Variants in KCNQ5 observed in about 807,000 individuals in gnomAD.
KCNQ5 encodes the protein potassium voltage-gated channel subfamily KQT member 5.
A neutral mutation model predicts 98.2 loss-of-function variants in KCNQ5; 30 were observed. That is an observed-to-expected ratio of 0.31 (90% CI 0.23 to 0.41). KCNQ5 has a LOEUF of 0.41. Among genes scored for constraint, KCNQ5 ranks in the 10% least tolerant of loss-of-function variants. The pLI is 1.00. For synonymous variants in KCNQ5, 458 were observed against 449.4 expected (o/e 1.02, Z -0.24); for missense variants, 835 against 1,182.5 (o/e 0.71, Z 4.31).
At chr6:72,774,968 G>A (rs928842515) in intron 1 of KCNQ5, among the ~76,000 whole-genome samples, 2 of 152,220 alleles carry the variant, frequency 1.3e-5, no homozygotes, top group East Asian at 1.9e-4. Context: ...TTCTTTGGTA[G>A]CAACACAAAT....
chr6:72,675,128 C>T (rs1231267549), intron 1 of KCNQ5, among the ~76,000 whole-genome samples: 1 of 152,096 alleles, frequency 6.6e-6, no homozygotes, highest in Non-Finnish European at 1.5e-5. Flanking sequence ...CAAAACCAAC[C>T]AACCATAAAA....
intron 1 of KCNQ5, among the ~76,000 whole-genome samples, chr6:72,765,000 A>G (rs1218854990): frequency 6.6e-6 from 1 of 151,876 alleles, no homozygotes; most frequent in Admixed American, 6.6e-5. Context: ...TATGTACCGC[A>G]TTTTCTTTAT....
intron 1 of KCNQ5, chr6:72,986,651 C>T (rs1242912652): frequency 1.3e-6 from 1 of 784,786 alleles, no homozygotes; most frequent in Non-Finnish European, 2.2e-6. Flanking sequence ...GTCACCCAAT[C>T]CCAGGAAGCA....
In KCNQ5 at chr6:72,791,898, A is replaced by G. The variant is rs369145374; in HGVS notation, c.398+169311A>G. On this transcript the variant is annotated intron_variant, in intron 1 of 13. Coordinates refer to ENST00000370398, the MANE Select transcript of KCNQ5 (RefSeq NM_019842.4). The stretch of plus-strand genomic sequence containing the variant: ...TAATCCATGTGAGGGCAGAGCCCCT[A>G]TGACTTAATCAACTCCTAAGGTGCT... Among the ~76,000 whole-genome samples the G allele has an allele frequency of 2.6e-5, 4 of 152,322 alleles. No homozygotes were observed. In the East Asian group the frequency reaches 7.7e-4, roughly 29 times the overall value.
Position 72,895,327 on chromosome 6 carries a change from G to A in KCNQ5, c.399-108581G>A, listed in dbSNP as rs1279811855. ...AGAAAAAAAACTCCATAGGTGATTC[G>A]TGTGCTCCTCCCAGTTAGGAACCAC... On this transcript the variant is annotated intron_variant, in intron 1 of 13. Transcript: ENST00000370398. Among the ~76,000 whole-genome samples the A allele has an allele frequency of 2.7e-5, 4 of 150,210 alleles. No homozygotes were observed. In the East Asian group the frequency reaches 7.7e-4, roughly 29 times the overall value.
intron 6 of KCNQ5, among the ~76,000 whole-genome samples, chr6:73,106,127 G>C (rs924628478): frequency 1.3e-4 from 20 of 152,094 alleles, no homozygotes; most frequent in African/African-American, 4.8e-4. Context: ...ATCCAGTCTT[G>C]CTCCAGACAC....
chr6:72,756,916 A>G (rs1487217508), intron 1 of KCNQ5, among the ~76,000 whole-genome samples: 1 of 152,174 alleles, frequency 6.6e-6, no homozygotes, highest in Non-Finnish European at 1.5e-5. Flanking sequence ...TCTGTACTAC[A>G]TACAAACGAC....
At chr6:73,003,826 C>A in intron 1 of KCNQ5, 82 bp from the exon 2 acceptor site, 3 of 903,054 alleles carry the variant, frequency 3.3e-6, no homozygotes, top group Non-Finnish European at 5.4e-6. Context: ...GGGCCTGGTG[C>A]TTTATTCATT....
intron 1 of KCNQ5, among the ~76,000 whole-genome samples, chr6:72,907,146 G>A (rs1779731081): frequency 1.3e-5 from 2 of 151,850 alleles, no homozygotes; most frequent in South Asian, 2.1e-4. Context: ...GTGTTATCTT[G>A]TGCATGCTTA....
At position 72,921,830 on chromosome 6, in the gene KCNQ5, CA is replaced by C. The variant is rs528484095; in HGVS notation, c.399-82077del. Among the ~76,000 whole-genome samples the C allele has an allele frequency of 3.3e-3, 504 of 152,230 alleles. 2 individuals carry two copies. Among genetic ancestry groups the C allele is most frequent in the African/African-American group, 0.012 (488 of 41,520 alleles). ...AGTGGACCAAAACAAAGCTGGGTGTCAGTAATTCATAACTCACTGAATCACT... is the reference window on the plus strand; with the variant it reads ...AGTGGACCAAAACAAAGCTGGGTGTCGTAATTCATAACTCACTGAATCACT... On this transcript the variant is annotated intron_variant, in intron 1 of 13. Transcript: ENST00000370398.
intron 3 of KCNQ5, among the ~76,000 whole-genome samples, chr6:73,065,266 C>T (rs1772995677): frequency 6.6e-6 from 1 of 152,148 alleles, no homozygotes. Flanking sequence ...ATTGCTTAGA[C>T]CAAAAACCCT....
intron 1 of KCNQ5, among the ~76,000 whole-genome samples, chr6:72,955,678 A>T (rs564111770): frequency 6.6e-6 from 1 of 152,308 alleles, no homozygotes; most frequent in Non-Finnish European, 1.5e-5. Context: ...AGATCTTGAA[A>T]CTGAATTATT....
At chr6:72,696,221 G>T (rs564336773) in intron 1 of KCNQ5, among the ~76,000 whole-genome samples, 6 of 152,202 alleles carry the variant, frequency 3.9e-5, no homozygotes, top group Middle Eastern at 3.4e-3. Flanking sequence ...AATTTAAGAG[G>T]CCCTCATTAG....
At chr6:72,748,558 C>T (rs952319907) in intron 1 of KCNQ5, among the ~76,000 whole-genome samples, 7 of 152,124 alleles carry the variant, frequency 4.6e-5, no homozygotes, top group African/African-American at 1.7e-4. Context: ...CTGTAAATTC[C>T]TACACCTTGT....
chr6:72,761,582 GT>G (rs1369241460), intron 1 of KCNQ5, among the ~76,000 whole-genome samples: 1 of 151,000 alleles, frequency 6.6e-6, no homozygotes, highest in Non-Finnish European at 1.5e-5. Flanking sequence ...AAACATAAAG[GT>G]TTATAAAGTC....
chr6:72,771,506 T>A (rs1334393901), intron 1 of KCNQ5, among the ~76,000 whole-genome samples: 1 of 152,108 alleles, frequency 6.6e-6, no homozygotes, highest in Non-Finnish European at 1.5e-5. Context: ...AAGTTATAGT[T>A]CATTGTGGTT....
intron 10 of KCNQ5, among the ~76,000 whole-genome samples, chr6:73,161,459 G>GCT (rs1777611646): frequency 6.6e-6 from 1 of 152,134 alleles, no homozygotes; most frequent in Non-Finnish European, 1.5e-5. Flanking sequence ...CAAATAGCTA[G>GCT]AAAAGAATAA....
intron 11 of KCNQ5, among the ~76,000 whole-genome samples, chr6:73,183,954 G>A (rs3757105): frequency 0.11 from 16,746 of 152,086 alleles, 1,086 homozygotes; most frequent in East Asian, 0.25. Context: ...AAAAACTGAG[G>A]TTGTATTCTT....
intron 7 of KCNQ5, 122 bp downstream of exon 7, chr6:73,111,525 A>G (rs748648863): frequency 1.3e-5 from 9 of 704,304 alleles, no homozygotes; most frequent in Non-Finnish European, 1.9e-5. Flanking sequence ...TTATAAAATG[A>G]AGTCAGAACT....
Sources: gnomAD v4.1 joint callset for allele counts (sites outside exome capture counted in the v4.1 genomes callset) on GRCh38, gnomAD v4.1.1 for gene constraint, MANE v1.5 for transcripts, NCBI Gene and HGNC (gene_info 2026-07-23, HGNC 2026-07-21) for gene names.